The following PRR5 variants were observed in gnomAD, a reference collection of about 807,000 sequenced individuals.
The protein encoded by PRR5 is proline-rich protein 5.
A neutral mutation model predicts 30.6 loss-of-function variants in PRR5; 25 were observed. The observed-to-expected ratio is 0.82, with a 90% CI of 0.60 to 1.14. The LOEUF (loss-of-function observed/expected upper bound fraction) is 1.14. Among genes scored for constraint, PRR5 ranks in the 50% most tolerant of loss-of-function variants. PRR5 has a pLI of 0.00. For missense variants in PRR5, 600 were observed against 547.1 expected, an observed-to-expected ratio of 1.10 and a Z score of -0.96; for synonymous variants, 286 against 247.1, an observed-to-expected ratio of 1.16 and a Z score of -1.48.
chr22:44,730,798 G>A (rs1413992520), intron 4 of PRR5: 2 of 580,276 alleles, frequency 3.4e-6, no homozygotes, highest in Admixed American at 3.7e-5. Flanking sequence ...AGGCAGAGCT[G>A]GCCTGGCCCT....
chr22:44,728,764 C>G (rs2147148569), intron 4 of PRR5, among the ~76,000 whole-genome samples: 1 of 152,316 alleles, frequency 6.6e-6, no homozygotes, highest in East Asian at 1.9e-4. Flanking sequence ...TTGCAGCTGT[C>G]CCTACAGAGC....
chr22:44,669,474 G>A lies in PRR5; in HGVS notation c.-11+669G>A, dbSNP rs150370090. Among the ~76,000 whole-genome samples the A allele has an allele frequency of 3.4e-3, 515 of 152,324 alleles. 2 individuals carry two copies. Among genetic ancestry groups the A allele is most frequent in the African/African-American group, 0.012 (500 of 41,582 alleles). ...GGCTGGAGCGCTTAGTGGTCTGTAA[G>A]GTCAGAACCTGGGGAGACACCCTCA... On this transcript the variant is annotated intron_variant, in intron 1 of 8. Transcript: ENST00000432186.
At position 44,732,377 on chromosome 22, in the gene PRR5, C is replaced by G; in HGVS notation, c.541C>G (p.Leu181Val). Residue 181 changes from leucine (L) to valine (V), a missense_variant, in exon 6 of 8, where the codon CTG becomes GTG. Physicochemically the swap from Leu to Val is conservative, Grantham distance 32. Coordinates refer to ENST00000336985, the MANE Select transcript of PRR5 (RefSeq NM_181333.4). ...ARVPPAIVQM[L>V]LVLQGVHESR... ...TGTGCCCCCTGCCATCGTGCAGATGCTGCTGGTGCTGCAGGTGGGCACAGT... is the reference window on the plus strand; with the variant it reads ...TGTGCCCCCTGCCATCGTGCAGATGGTGCTGGTGCTGCAGGTGGGCACAGT... 1 of 1,609,166 alleles carries G rather than the reference C, an allele frequency of 6.2e-7. No individual in the cohort carries two copies. Among genetic ancestry groups the G allele is most frequent in the Non-Finnish European group, 8.5e-7 (1 of 1,178,932 alleles).
At chr22:44,735,538 G>T (rs1025318767) in intron 7 of PRR5, among the ~76,000 whole-genome samples, 3 of 152,196 alleles carry the variant, frequency 2.0e-5, no homozygotes, top group African/African-American at 7.2e-5. Context: ...GACTCGGCCT[G>T]GGGGTGGGCA....
At chr22:44,700,800 G>A (rs973977050), upstream of PRR5, among the ~76,000 whole-genome samples, 1 of 152,190 alleles carries the variant, frequency 6.6e-6, no homozygotes, top group Non-Finnish European at 1.5e-5. Context: ...CTGGAACACA[G>A]GAGGTACTCA....
At chr22:44,715,515 G>A (rs546156879) in intron 2 of PRR5, among the ~76,000 whole-genome samples, 1 of 152,144 alleles carries the variant, frequency 6.6e-6, no homozygotes, top group African/African-American at 2.4e-5. Context: ...CCCAATACAT[G>A]CCGCTTGTTC....
chr22:44,674,963 AAG>A (rs1923642731), upstream of PRR5, among the ~76,000 whole-genome samples: 1 of 145,890 alleles, frequency 6.9e-6, no homozygotes, highest in African/African-American at 2.5e-5. Flanking sequence ...AAAAGAAAGA[AAG>A]AGGCTGGGCG....
At chr22:44,720,633 G>A (rs140722476) in intron 2 of PRR5, among the ~76,000 whole-genome samples, 187 of 152,300 alleles carry the variant, frequency 1.2e-3, no homozygotes, top group Non-Finnish European at 2.3e-3. Flanking sequence ...CGAGGCCTTC[G>A]GCAGCATTCC....
At chr22:44,675,297 T>G (rs773080701), upstream of PRR5, among the ~76,000 whole-genome samples, 5 of 152,078 alleles carry the variant, frequency 3.3e-5, no homozygotes, top group Non-Finnish European at 5.9e-5. Context: ...TTTGCCACGT[T>G]GCCCAGGCTG....
intron 1 of PRR5, 69 bp from the exon 2 acceptor site, chr22:44,714,522 G>A (rs2147078951): frequency 1.3e-6 from 2 of 1,585,272 alleles, no homozygotes; most frequent in East Asian, 2.2e-5. Flanking sequence ...AAAGAGGAAT[G>A]GGGCCTGATG....
intron 1 of PRR5, among the ~76,000 whole-genome samples, chr22:44,714,248 G>T (rs185349265): frequency 7.2e-5 from 11 of 152,222 alleles, no homozygotes; most frequent in Non-Finnish European, 1.6e-4. Flanking sequence ...GGATGTGTTG[G>T]GGGGTGGGAG....
chr22:44,671,742 C>G (rs927977968), intron 1 of PRR5, among the ~76,000 whole-genome samples: 1 of 152,164 alleles, frequency 6.6e-6, no homozygotes, highest in African/African-American at 2.4e-5. Context: ...TGCCTGGGTT[C>G]GAATCCTGTC....
chr22:44,730,175 G>T (rs1354083896), intron 4 of PRR5: 1 of 985,196 alleles, frequency 1.0e-6, no homozygotes, highest in Non-Finnish European at 1.2e-6. Flanking sequence ...GTGGGGGCAG[G>T]GCCCAGAGAG....
chr22:44,716,921 G>A lies in PRR5; in HGVS notation c.215+2250G>A, dbSNP rs199841957. On this transcript the variant is annotated intron_variant, in intron 2 of 7. Coordinates refer to ENST00000336985, the MANE Select transcript of PRR5 (RefSeq NM_181333.4). ...ACCAAAGATACATAAAATTAGCTGGGCATGGTGGCAGGCACCTGTAGTACC... is the reference window on the plus strand; with the variant it reads ...ACCAAAGATACATAAAATTAGCTGGACATGGTGGCAGGCACCTGTAGTACC... Among the ~76,000 whole-genome samples, 20 of 152,218 alleles carry A rather than the reference G, an allele frequency of 1.3e-4. No individual in the cohort carries two copies. The East Asian group carries it at 1.7e-3, about 13-fold the overall frequency.
chr22:44,718,715 T>G (rs1929485488), intron 2 of PRR5, among the ~76,000 whole-genome samples: 1 of 152,212 alleles, frequency 6.6e-6, no homozygotes, highest in African/African-American at 2.4e-5. Flanking sequence ...GGCATCTGTT[T>G]GTGGTTTTAA....
chr22:44,736,759 T>C lies in PRR5; in HGVS notation c.692-13T>C. 6.5e-7 allele frequency: 1 copy of C among 1,532,664 alleles called. No homozygotes were observed. Among genetic ancestry groups the C allele is most frequent in the Non-Finnish European group, 8.8e-7 (1 of 1,136,356 alleles). 94.9% of individuals were successfully genotyped at this position (1,532,664 alleles called of 1,614,324 possible). A position where few individuals can be genotyped will look rare whatever the true frequency, so the allele number is the denominator to read the frequency against. On this transcript the variant is annotated splice_polypyrimidine_tract_variant and intron_variant, in intron 7 of 7. Coordinates refer to ENST00000336985, the MANE Select transcript of PRR5 (RefSeq NM_181333.4). ...GTGGCCTCTGGTGTGACAGTGCCCG[T>C]GTCTCTCCCCAGAAAAGCGCCTCCT... is the stretch of plus-strand genomic sequence containing the variant.
intron 1 of PRR5, among the ~76,000 whole-genome samples, chr22:44,681,991 A>T (rs1259329364): frequency 6.6e-6 from 1 of 152,214 alleles, no homozygotes; most frequent in Admixed American, 6.5e-5. Context: ...CGGCAACAGT[A>T]GGAATCTGCA....
chr22:44,730,439 A>G, intron 4 of PRR5: 1 of 985,422 alleles, frequency 1.0e-6, no homozygotes, highest in Middle Eastern at 5.2e-4. Flanking sequence ...TCCAGGCAGA[A>G]AGGCCAAGGG....
chr22:44,725,498 T>G (rs1920928589), intron 3 of PRR5, among the ~76,000 whole-genome samples: 1 of 152,214 alleles, frequency 6.6e-6, no homozygotes, highest in African/African-American at 2.4e-5. Flanking sequence ...TTTGAGATAG[T>G]CTCACTCTGT....
Sources: allele counts gnomAD v4.1 joint callset (sites outside exome capture counted in the v4.1 genomes callset), GRCh38; gene constraint gnomAD v4.1.1; transcripts MANE v1.5; gene names NCBI Gene and HGNC (gene_info 2026-07-23, HGNC 2026-07-21).